The following TLE4 variants were observed in gnomAD, a reference collection of about 807,000 sequenced individuals.
The protein encoded by TLE4 is transducin-like enhancer protein 4.
TLE4 carries 8 observed loss-of-function variants against 92.8 expected under a neutral mutation model. That is an observed-to-expected ratio of 0.09 (90% CI 0.05 to 0.16). The LOEUF is 0.16. Among genes scored for constraint, TLE4 ranks in the 10% least tolerant of loss-of-function variants. TLE4 has a pLI of 1.00. For synonymous variants in TLE4, 371 were observed against 374.1 expected (o/e 0.99, Z 0.10); for missense variants, 675 against 997.6 (o/e 0.68, Z 4.36).
chr9:79,622,392 A>G (rs2051252355), intron 5 of TLE4, among the ~76,000 whole-genome samples: 5 of 152,074 alleles, frequency 3.3e-5, no homozygotes, highest in Non-Finnish European at 7.4e-5. Context: ...GCCCCTACCC[A>G]GTTCTCTTCC....
At chr9:79,654,010 C>T (rs769751956) in intron 7 of TLE4, 49 bp from the exon 8 acceptor site, 2 of 1,609,322 alleles carry the variant, frequency 1.2e-6, no homozygotes, top group East Asian at 4.5e-5. Context: ...CTTTTCTTTT[C>T]TTCTTCCCAC....
Position 79,702,659 on chromosome 9 carries a change from G to A in TLE4, c.610-2124G>A, listed in dbSNP as rs193301884. On this transcript the variant is annotated intron_variant, in intron 8 of 19. Transcript: ENST00000376552. ...TCTGCCACTAAGTTTAAGGCTGAAC[G>A]TTTGATAGGTCTAGGGCTAGAGTAT... Among the ~76,000 whole-genome samples the A allele has an allele frequency of 1.1e-3, 172 of 152,288 alleles. 1 individual carries two copies. Among genetic ancestry groups the A allele is most frequent in the Admixed American group, 2.1e-3 (32 of 15,300 alleles).
Position 79,721,881 on chromosome 9 carries a change from C to T in TLE4, c.1979C>T (p.Thr660Ile), listed in dbSNP as rs753696722. The T allele has an allele frequency of 3.7e-6, 6 of 1,613,190 alleles. No homozygotes were observed. Among genetic ancestry groups the T allele is most frequent in the Non-Finnish European group, 5.1e-6 (6 of 1,179,686 alleles). Reference protein sequence around the residue: ...EGRQLQQHDFTSQIFSLGYCP... With the variant: ...EGRQLQQHDFISQIFSLGYCP... Reference sequence around the variant, plus strand: ...CGGCAGCTGCAGCAGCACGACTTCACCTCCCAGGTATGATCCGTGGCTGAG... The same window carrying T: ...CGGCAGCTGCAGCAGCACGACTTCATCTCCCAGGTATGATCCGTGGCTGAG... Residue 660 changes from threonine (T) to isoleucine (I), a missense_variant, in exon 17 of 20, where the codon ACC (threonine) becomes ATC (isoleucine). Coordinates refer to ENST00000376552, the MANE Select transcript of TLE4 (RefSeq NM_007005.6).
chr9:79,638,557 T>C (rs2056471543), intron 6 of TLE4, among the ~76,000 whole-genome samples: 1 of 152,094 alleles, frequency 6.6e-6, no homozygotes, highest in African/African-American at 2.4e-5. Flanking sequence ...TTTTTTTTTT[T>C]CTTGGTAGAT....
chr9:79,708,686 G>A lies in TLE4; in HGVS notation c.1163G>A (p.Ser388Asn), dbSNP rs1478347301. The change falls in exon 13 of 20, where the codon AGC becomes AAC. Residue 388 changes from serine to asparagine, a missense_variant. Coordinates refer to ENST00000376552, the MANE Select transcript of TLE4 (RefSeq NM_007005.6). ...GCTGGAATGAACGGAGAGCTGACCAGCCCCGGAGCGGCCTACGCTGGGCTC... is the reference window on the plus strand; with the variant it reads ...GCTGGAATGAACGGAGAGCTGACCAACCCCGGAGCGGCCTACGCTGGGCTC... ...PHAGMNGELT[S>N]PGAAYAGLHN... 1 of 1,613,848 alleles carries A rather than the reference G, an allele frequency of 6.2e-7. No individual in the cohort carries two copies. The highest frequency in any genetic ancestry group is 1.1e-5 in the South Asian group (1 of 91,086).
intron 17 of TLE4, 121 bp downstream of exon 17, chr9:79,722,009 AC>A: frequency 7.1e-7 from 1 of 1,402,670 alleles, no homozygotes; most frequent in Non-Finnish European, 9.4e-7. Context: ...TACTAAAAGT[AC>A]AAAAATTAGC....
chr9:79,622,154 C>T (rs1205376406), intron 5 of TLE4, among the ~76,000 whole-genome samples: 1 of 152,196 alleles, frequency 6.6e-6, no homozygotes, highest in African/African-American at 2.4e-5. Context: ...AATTCATTTC[C>T]CACTAATACT....
At chr9:79,714,905 G>T (rs1481486501) in intron 14 of TLE4, among the ~76,000 whole-genome samples, 1 of 152,180 alleles carries the variant, frequency 6.6e-6, no homozygotes, top group African/African-American at 2.4e-5. Context: ...AGGAGTATTT[G>T]CTAGTTACAG....
intron 4 of TLE4, among the ~76,000 whole-genome samples, chr9:79,598,553 C>T (rs1199766936): frequency 1.3e-5 from 2 of 152,174 alleles, no homozygotes; most frequent in Non-Finnish European, 2.9e-5. Flanking sequence ...TTTAAAAATA[C>T]CCTGCATTCT....
At chr9:79,596,396 T>G (rs2044026683) in intron 4 of TLE4, among the ~76,000 whole-genome samples, 1 of 152,106 alleles carries the variant, frequency 6.6e-6, no homozygotes, top group African/African-American at 2.4e-5. Context: ...ACATAAATAC[T>G]GAGAATGTCT....
At chr9:79,579,790 T>C (rs2039103710) in intron 4 of TLE4, among the ~76,000 whole-genome samples, 1 of 152,154 alleles carries the variant, frequency 6.6e-6, no homozygotes, top group Non-Finnish European at 1.5e-5. Context: ...TGCTAAAATA[T>C]TAATTGAATA....
At chr9:79,622,059 A>T (rs1461304086) in intron 5 of TLE4, among the ~76,000 whole-genome samples, 3 of 152,092 alleles carry the variant, frequency 2.0e-5, no homozygotes, top group African/African-American at 7.2e-5. Context: ...TTTTAATAAC[A>T]TCTCATTTCC....
Position 79,601,347 on chromosome 9 carries a change from A to G in TLE4, c.253-11309A>G, listed in dbSNP as rs145531374. The G allele has an allele frequency of 2.6e-4, 118 of 456,254 alleles. 1 individual carries two copies. The East Asian group carries it at 6.1e-3, about 24-fold the overall frequency. 28.3% of individuals were successfully genotyped at this position (456,254 alleles called of 1,614,324 possible). The stretch of plus-strand genomic sequence containing the variant: ...CTGGATAGATATTCCTTTATGGTTG[A>G]TATATTAATGTGCTTTAGCTACAGG... On this transcript the variant is annotated intron_variant, in intron 4 of 19. Coordinates refer to ENST00000376552, the MANE Select transcript of TLE4 (RefSeq NM_007005.6).
chr9:79,670,468 T>C (rs1053743027), intron 8 of TLE4, among the ~76,000 whole-genome samples: 19 of 152,156 alleles, frequency 1.2e-4, no homozygotes, highest in African/African-American at 4.6e-4. Context: ...AAAAGACCTG[T>C]TTTACAGACA....
intron 4 of TLE4, among the ~76,000 whole-genome samples, chr9:79,606,188 T>TTG (rs1491281416): frequency 3.3e-4 from 16 of 49,022 alleles, no homozygotes; most frequent in Non-Finnish European, 4.9e-4. Context: ...GTAGTAGTTG[T>TTG]TTTTTTTTTT....
At chr9:79,674,165 G>A (rs1290905258) in intron 8 of TLE4, among the ~76,000 whole-genome samples, 4 of 152,248 alleles carry the variant, frequency 2.6e-5, no homozygotes, top group South Asian at 2.1e-4. Flanking sequence ...CTTTGTAGCC[G>A]TTGCCATGGG....
At chr9:79,597,771 C>G (rs754190726) in intron 4 of TLE4, among the ~76,000 whole-genome samples, 2 of 152,166 alleles carry the variant, frequency 1.3e-5, no homozygotes, top group Non-Finnish European at 2.9e-5. Context: ...TTTTCTCCAG[C>G]TATATGATCA....
intron 8 of TLE4, among the ~76,000 whole-genome samples, chr9:79,668,586 C>T (rs746179969): frequency 2.9e-4 from 44 of 152,150 alleles, no homozygotes; most frequent in Admixed American, 1.4e-3. Flanking sequence ...AGGTGGCTTG[C>T]AGGCCAAGAA....
chr9:79,625,735 T>C (rs2133486927), intron 5 of TLE4, among the ~76,000 whole-genome samples: 1 of 152,254 alleles, frequency 6.6e-6, no homozygotes, highest in African/African-American at 2.4e-5. Context: ...TTTTATTGAC[T>C]GTGCCCTTCT....
Sources: gnomAD v4.1 joint callset for allele counts (sites outside exome capture counted in the v4.1 genomes callset) on GRCh38, gnomAD v4.1.1 for gene constraint, MANE v1.5 for transcripts, NCBI Gene and HGNC (gene_info 2026-07-23, HGNC 2026-07-21) for gene names.